Variants in HELZ observed in about 807,000 individuals in gnomAD.
The protein encoded by HELZ is ATP-dependent RNA helicase with zinc finger domain.
In HELZ, 23 loss-of-function variants were observed where a neutral mutation model predicts 218.2. The ratio of observed to expected loss-of-function variants is 0.11; its 90% CI spans 0.08 to 0.15. HELZ has a LOEUF of 0.15. Ranked by LOEUF, HELZ falls within the 10% of genes least tolerant of loss-of-function variation. The pLI, the probability that HELZ is intolerant of heterozygous loss-of-function variation, is 1.00. For missense variants in HELZ, 1,813 were observed against 2,353.7 expected (o/e 0.77, Z 4.75); for synonymous variants, 814 against 829.4 (o/e 0.98, Z 0.32).
chr17:67,152,160 G>A (rs1457437609), intron 17 of HELZ, among the ~76,000 whole-genome samples: 1 of 152,194 alleles, frequency 6.6e-6, no homozygotes, highest in African/African-American at 2.4e-5. Flanking sequence ...CTAGGAAGGG[G>A]AGAGGATTCC....
chr17:67,094,952 T>C (rs558704771), intron 31 of HELZ, among the ~76,000 whole-genome samples: 3 of 152,324 alleles, frequency 2.0e-5, no homozygotes, highest in Admixed American at 2.0e-4. Flanking sequence ...GAGGTGGCTG[T>C]GGCAATTTCT....
intron 28 of HELZ, 93 bp from the exon 29 acceptor site, chr17:67,109,779 G>A (rs1440019538): frequency 1.2e-6 from 1 of 831,312 alleles, no homozygotes; most frequent in Non-Finnish European, 1.9e-6. Context: ...TAAAGGATAT[G>A]ATACATTGAT....
intron 13 of HELZ, among the ~76,000 whole-genome samples, chr17:67,171,745 C>A (rs966999819): frequency 2.6e-5 from 4 of 152,150 alleles, no homozygotes; most frequent in Non-Finnish European, 5.9e-5. Flanking sequence ...CTATAATAAT[C>A]AACTGGCAGC....
chr17:67,188,217 A>T lies in HELZ; in HGVS notation c.1162+102T>A. Reference sequence around the variant, plus strand: ...TTAAGTTGGGATTTTTTTCTTTATTACTATTCTCTTCCTATCCATGGAATA... The same window carrying T: ...TTAAGTTGGGATTTTTTTCTTTATTTCTATTCTCTTCCTATCCATGGAATA... On this transcript the variant is annotated intron_variant, in intron 12 of 32. Transcript: ENST00000358691. The surrounding 1 kb of genome is among the most constrained non-coding windows in gnomAD (Gnocchi z 4.1). 1 of 1,109,558 alleles carries T rather than the reference A, an allele frequency of 9.0e-7. No individual in the cohort carries two copies. Among genetic ancestry groups the T allele is most frequent in the Admixed American group, 2.3e-5 (1 of 43,352 alleles). The allele number at this position is 1,109,558 out of a possible 1,614,324, so 68.7% of individuals were successfully genotyped here.
chr17:67,165,595 G>A (rs192327270), intron 15 of HELZ, among the ~76,000 whole-genome samples: 102 of 152,244 alleles, frequency 6.7e-4, no homozygotes, highest in African/African-American at 2.4e-3. Flanking sequence ...GTTGAGCATG[G>A]GCAGGTGCTA....
In HELZ at chr17:67,168,739, G is replaced by A. The variant is rs188397210; in HGVS notation, c.1431-943C>T. 7.9e-5 allele frequency among the ~76,000 whole-genome samples: 12 copies of A among 152,278 alleles called. 1 individual carries two copies. Among genetic ancestry groups the A allele is most frequent in the Admixed American group, 5.2e-4 (8 of 15,300 alleles). On this transcript the variant is annotated intron_variant, in intron 13 of 32. Transcript: ENST00000358691. ...CTCCCTCACACTTCCATGTGTGCACGTGAGTATGAGAGAGTATGTGTAAAG... is the reference window on the plus strand; with the variant it reads ...CTCCCTCACACTTCCATGTGTGCACATGAGTATGAGAGAGTATGTGTAAAG...
chr17:67,232,654 A>C (rs531018989), intron 3 of HELZ, among the ~76,000 whole-genome samples: 2 of 152,340 alleles, frequency 1.3e-5, no homozygotes, highest in South Asian at 2.1e-4. Context: ...CTTACTTGCT[A>C]ATACACAAAA....
In HELZ at chr17:67,239,056, A is replaced by T. The variant is rs1373062825; in HGVS notation, c.-19+377T>A. Among the ~76,000 whole-genome samples, 10 of 152,228 alleles carry T rather than the reference A, an allele frequency of 6.6e-5. 1 individual carries two copies. The highest frequency in any genetic ancestry group is 6.5e-4 in the Admixed American group (10 of 15,288). On this transcript the variant is annotated intron_variant, in intron 3 of 32. Transcript: ENST00000358691. The stretch of plus-strand genomic sequence containing the variant: ...TAAATAGCAGATAACAGGAAAAACA[A>T]TTCAATACTTAACCAAGTTCACTGG...
intron 31 of HELZ, among the ~76,000 whole-genome samples, chr17:67,098,550 C>A (rs917862641): frequency 6.7e-6 from 1 of 149,048 alleles, no homozygotes; most frequent in African/African-American, 2.5e-5. Flanking sequence ...GCCTGGCCAA[C>A]GTGGTGAAAT....
At chr17:67,090,262 C>T (rs935366359) in intron 31 of HELZ, among the ~76,000 whole-genome samples, 1 of 152,086 alleles carries the variant, frequency 6.6e-6, no homozygotes, top group Non-Finnish European at 1.5e-5. Context: ...AGATAAGCCC[C>T]CCATGATCAT....
chr17:67,166,404 C>T (rs899997485), intron 15 of HELZ, 74 bp downstream of exon 15: 3 of 1,286,878 alleles, frequency 2.3e-6, no homozygotes, highest in African/African-American at 1.5e-5. Flanking sequence ...TAAAAGTATG[C>T]TTGAGTTATT....
Position 67,109,757 on chromosome 17 carries a change from C to T in HELZ, c.3919-71G>A, listed in dbSNP as rs546294535. 7.2e-4 allele frequency: 785 copies of T among 1,097,190 alleles called. 6 individuals carry two copies. The highest frequency in any genetic ancestry group is 8.9e-4 in the Non-Finnish European group (670 of 748,866). The allele number at this position is 1,097,190 out of a possible 1,614,324, so 68.0% of individuals were successfully genotyped here. A position where few individuals can be genotyped will look rare whatever the true frequency, so the allele number is the denominator to read the frequency against. On this transcript the variant is annotated intron_variant, in intron 28 of 32. Coordinates refer to ENST00000358691, the MANE Select transcript of HELZ (RefSeq NM_014877.4). ...TCAGTTGCTCTCCACCTTTTCCCAA[C>T]CCTAACACATCTAAAGGATATGATA...
intron 21 of HELZ, 99 bp from the exon 22 acceptor site, chr17:67,138,213 G>T: frequency 4.2e-6 from 4 of 947,408 alleles, no homozygotes; most frequent in Non-Finnish European, 5.7e-6. Flanking sequence ...TCCCATTTTA[G>T]CAGATGTCAT....
At chr17:67,136,985 TG>T (rs1309373489) in intron 22 of HELZ, among the ~76,000 whole-genome samples, 12 of 152,184 alleles carry the variant, frequency 7.9e-5, no homozygotes, top group Non-Finnish European at 1.8e-4. Context: ...TTTTTTTTAA[TG>T]ATACTATTGG....
At chr17:67,214,803 T>C (rs980126109) in intron 5 of HELZ, among the ~76,000 whole-genome samples, 2 of 152,058 alleles carry the variant, frequency 1.3e-5, no homozygotes, top group African/African-American at 4.8e-5. Context: ...AAGAAAAGGA[T>C]TCCTATCAGT....
chr17:67,159,921 T>C (rs1036208526), intron 17 of HELZ, among the ~76,000 whole-genome samples: 1 of 152,172 alleles, frequency 6.6e-6, no homozygotes, highest in African/African-American at 2.4e-5. Context: ...ATGCAAAATA[T>C]GTTAGAATTT....
chr17:67,195,863 T>C (rs1449229238), intron 7 of HELZ, among the ~76,000 whole-genome samples: 1 of 148,448 alleles, frequency 6.7e-6, no homozygotes, highest in Non-Finnish European at 1.5e-5. Flanking sequence ...TTTTTTTTTT[T>C]TTTTTTGGGA....
chr17:67,218,480 C>G (rs1236262644), intron 4 of HELZ, 115 bp downstream of exon 4: 2 of 806,672 alleles, frequency 2.5e-6, no homozygotes, highest in East Asian at 4.9e-5. Flanking sequence ...CAGCAATCAC[C>G]AGCCACTTCA....
chr17:67,109,256 G>A lies in HELZ; in HGVS notation c.4349C>T (p.Pro1450Leu), dbSNP rs778743547. The change falls in exon 29 of 33, where the codon CCG (proline) becomes CTG (leucine). Residue 1450 changes from proline (P) to leucine (L), a missense_variant. Around this residue, in one of 4 missense-constraint regions of HELZ, gnomAD observed 938 missense variants for 1,027.5 expected, o/e 0.91. Transcript: ENST00000358691. ...CAGCATGGGAGGGGGCTGCTGCTCC[G>A]GAATTACAGCTTCTGCAGGAGGAGA... ...PQSPPAEAVI[P>L]EQQPPPMLQE... 3.8e-5 allele frequency: 61 copies of A among 1,613,956 alleles called. No homozygotes were observed. Among genetic ancestry groups the A allele is most frequent in the Middle Eastern group, 1.6e-4 (1 of 6,082 alleles).
Sources: allele counts gnomAD v4.1 joint callset (sites outside exome capture counted in the v4.1 genomes callset), GRCh38; gene constraint gnomAD v4.1.1; regional missense constraint gnomAD v4.1.1; non-coding constraint Gnocchi (gnomAD v3.1); transcripts MANE v1.5; gene names NCBI Gene and HGNC (gene_info 2026-07-23, HGNC 2026-07-21).